The following UBE2R2 variants were observed in gnomAD, a reference collection of about 807,000 sequenced individuals.
UBE2R2 encodes ubiquitin conjugating enzyme E2 R2.
UBE2R2 carries 1 observed loss-of-function variant against 27.8 expected under a neutral mutation model. The observed-to-expected ratio is 0.04, with a 90% CI of 0.01 to 0.17. The LOEUF is 0.17. Ranked by LOEUF, UBE2R2 falls within the 10% of genes least tolerant of loss-of-function variation. The pLI is 1.00. For missense variants in UBE2R2, 100 were observed against 291.0 expected (o/e 0.34, Z 4.78); for synonymous variants, 106 against 113.3 (o/e 0.94, Z 0.41).
chr9:33,859,793 TGTGTGTGAGAGAGAGA>T (rs751628053), intron 1 of UBE2R2, among the ~76,000 whole-genome samples: 22,571 of 123,954 alleles, frequency 0.18, 1,731 homozygotes, highest in South Asian at 0.29. Flanking sequence ...TGTGTGTGTG[TGTGTGTGAGAGAGAGA>T]GAGAGAGAGA....
At chr9:33,822,276 A>C (rs1825995663) in intron 1 of UBE2R2, among the ~76,000 whole-genome samples, 1 of 151,738 alleles carries the variant, frequency 6.6e-6, no homozygotes. Context: ...TTTTTGGTAG[A>C]GACGAGGTTT....
intron 1 of UBE2R2, among the ~76,000 whole-genome samples, chr9:33,880,264 A>G (rs1398545423): frequency 5.3e-5 from 8 of 152,152 alleles, no homozygotes; most frequent in African/African-American, 1.7e-4. Flanking sequence ...AGTGTAGGCA[A>G]TTCTAAAAAT....
chr9:33,872,325 T>G (rs1442805962), intron 1 of UBE2R2, among the ~76,000 whole-genome samples: 2 of 150,984 alleles, frequency 1.3e-5, no homozygotes, highest in Non-Finnish European at 3.0e-5. Context: ...CCCAGAAGAT[T>G]GAGGCTGCAG....
At chr9:33,847,012 A>ATT (rs1820860945) in intron 1 of UBE2R2, among the ~76,000 whole-genome samples, 1 of 140,652 alleles carries the variant, frequency 7.1e-6, no homozygotes, top group Non-Finnish European at 1.6e-5. Context: ...TTTTTTTTGA[A>ATT]GGTTTTTTTT....
In UBE2R2 at chr9:33,919,979, T is replaced by C. The variant is rs1822769837; in HGVS notation, c.*2742T>C. On this transcript the variant is annotated 3_prime_UTR_variant, in exon 5 of 5. Coordinates refer to ENST00000263228, the MANE Select transcript of UBE2R2 (RefSeq NM_017811.4). ...TTTATCAATCATTCCAGAGTTATTT[T>C]CTATTAGTCAAACTTTTTTGTAGAA... 2 of 152,166 alleles carry C rather than the reference T, an allele frequency of 1.3e-5. No individual in the cohort carries two copies. Among genetic ancestry groups the C allele is most frequent in the Admixed American group, 1.3e-4 (2 of 15,274 alleles). The allele number at this position is 152,166 out of a possible 1,614,324, so 9.4% of individuals were successfully genotyped here. A position where few individuals can be genotyped will look rare whatever the true frequency, so the allele number is the denominator to read the frequency against.
In UBE2R2 at chr9:33,917,177, T is replaced by C; in HGVS notation, c.657T>C (p.Asp219=). ...DLYDDDIDDE[D]EEEEDADCYD... is the part of the protein sequence containing the mutation. ...ATGATGACGACATTGATGATGAAGA[T>C]GAGGAGGAGGAAGATGCCGACTGTT... The change falls in exon 5 of 5, where the codon GAT becomes GAC. Residue 219 remains aspartate, a synonymous_variant. Transcript: ENST00000263228. 6.2e-7 allele frequency: 1 copy of C among 1,614,108 alleles called. No individual in the cohort carries two copies. Among genetic ancestry groups the C allele is most frequent in the South Asian group, 1.1e-5 (1 of 91,080 alleles).
chr9:33,832,473 G>A (rs960331725), intron 1 of UBE2R2, among the ~76,000 whole-genome samples: 9 of 151,816 alleles, frequency 5.9e-5, no homozygotes, highest in Admixed American at 3.3e-4. Flanking sequence ...TGGCTAACAC[G>A]GTGAAACCCC....
At chr9:33,899,676 T>C (rs1822202980) in intron 2 of UBE2R2, among the ~76,000 whole-genome samples, 1 of 151,378 alleles carries the variant, frequency 6.6e-6, no homozygotes, top group South Asian at 2.1e-4. Flanking sequence ...CCCAGCCAAT[T>C]TTTGTATTTT....
intron 1 of UBE2R2, among the ~76,000 whole-genome samples, chr9:33,827,099 C>CA (rs978922871): frequency 8.7e-5 from 13 of 149,268 alleles, no homozygotes; most frequent in East Asian, 3.9e-4. Flanking sequence ...GACTCTGCCT[C>CA]AAAAAAAAAT....
Position 33,854,674 on chromosome 9 carries a change from A to G in UBE2R2, c.178-32207A>G, listed in dbSNP as rs145483095. 8.4e-3 allele frequency among the ~76,000 whole-genome samples: 1,261 copies of G among 150,572 alleles called. 15 individuals are homozygous for G. Among genetic ancestry groups the G allele is most frequent in the African/African-American group, 0.028 (1,159 of 41,022 alleles). On this transcript the variant is annotated intron_variant, in intron 1 of 4. Transcript: ENST00000263228. The stretch of plus-strand genomic sequence containing the variant: ...CTTCAGTACTTTTATTTTTTTCTAC[A>G]TGATTAGTTTCTGAGAAGGGAGTAT...
In UBE2R2 at chr9:33,904,820, G is replaced by A. The variant is rs576096267; in HGVS notation, c.362+4549G>A. Among the ~76,000 whole-genome samples, 3 of 152,344 alleles carry A rather than the reference G, an allele frequency of 2.0e-5. No individual in the cohort carries two copies. The East Asian group carries it at 5.8e-4, about 29-fold the overall frequency. On this transcript the variant is annotated intron_variant, in intron 3 of 4. Transcript: ENST00000263228. ...CAGGATTAAATTGGTGGGGCTGGAG[G>A]TGGTGGGGAGAGTTTCTTCCTGAAT...
chr9:33,836,381 A>G (rs1820615323), intron 1 of UBE2R2, among the ~76,000 whole-genome samples: 1 of 152,220 alleles, frequency 6.6e-6, no homozygotes, highest in African/African-American at 2.4e-5. Flanking sequence ...ATTTCTCAGA[A>G]CATATTCCTG....
intron 1 of UBE2R2, among the ~76,000 whole-genome samples, chr9:33,860,781 T>C (rs1392918439): frequency 1.3e-5 from 2 of 151,634 alleles, no homozygotes; most frequent in Non-Finnish European, 2.9e-5. Context: ...CCTGTAGCCC[T>C]AGCTACTTGG....
intron 1 of UBE2R2, among the ~76,000 whole-genome samples, chr9:33,821,111 T>A (rs972796487): frequency 6.6e-6 from 1 of 152,192 alleles, no homozygotes; most frequent in Non-Finnish European, 1.5e-5. Flanking sequence ...AAATTGTGGA[T>A]CAAGTCAGTA....
At chr9:33,916,788 T>G (rs1172276567) in intron 4 of UBE2R2, among the ~76,000 whole-genome samples, 1 of 152,194 alleles carries the variant, frequency 6.6e-6, no homozygotes, top group Non-Finnish European at 1.5e-5. Flanking sequence ...TTAAACTCCC[T>G]TGATATTAAC....
At chr9:33,832,343 A>G (rs1324643264) in intron 1 of UBE2R2, among the ~76,000 whole-genome samples, 4 of 147,052 alleles carry the variant, frequency 2.7e-5, no homozygotes, top group South Asian at 4.3e-4. Flanking sequence ...ATTATTTAAT[A>G]CCCTTTGGTT....
At chr9:33,827,467 G>A (rs1326714117) in intron 1 of UBE2R2, among the ~76,000 whole-genome samples, 3 of 151,918 alleles carry the variant, frequency 2.0e-5, no homozygotes, top group Admixed American at 6.6e-5. Flanking sequence ...ATGGCGAAAC[G>A]CTGTCTCAAC....
At chr9:33,838,881 G>A (rs937654617) in intron 1 of UBE2R2, among the ~76,000 whole-genome samples, 4 of 151,838 alleles carry the variant, frequency 2.6e-5, no homozygotes, top group Non-Finnish European at 5.9e-5. Context: ...TGAAGAGTTC[G>A]AGACCAGCTG....
rs985240185 is a variant in UBE2R2, at chr9:33,842,551, G to T, written c.177+24617G>T. Among the ~76,000 whole-genome samples the T allele has an allele frequency of 3.3e-5, 5 of 152,072 alleles. No homozygotes were observed. In the South Asian group the frequency reaches 6.2e-4, roughly 19 times the overall value. Reference sequence around the variant, plus strand: ...ATAAGGTTATTGTTTTCATTAAAATGGATTGCTCATGTTGATCTCGAATGA... The same window carrying T: ...ATAAGGTTATTGTTTTCATTAAAATTGATTGCTCATGTTGATCTCGAATGA... On this transcript the variant is annotated intron_variant, in intron 1 of 4. Transcript: ENST00000263228.
Sources: allele counts gnomAD v4.1 joint callset (sites outside exome capture counted in the v4.1 genomes callset), GRCh38; gene constraint gnomAD v4.1.1; transcripts MANE v1.5; gene names NCBI Gene and HGNC (gene_info 2026-07-23, HGNC 2026-07-21).